Variants in FAM13A observed in about 807,000 individuals in gnomAD.
FAM13A encodes protein FAM13A.
FAM13A carries 76 observed loss-of-function variants against 129.6 expected under a neutral mutation model. The observed-to-expected ratio is 0.59, with a 90% CI of 0.49 to 0.71. The LOEUF (loss-of-function observed/expected upper bound fraction) is 0.71, where lower values mean the gene tolerates loss of function less well. FAM13A is among the 30% of genes least tolerant of loss of function. FAM13A has a pLI of 0.00. For missense variants in FAM13A, 1,108 were observed against 1,249.3 expected (o/e 0.89, Z 1.70); for synonymous variants, 443 against 449.9 (o/e 0.98, Z 0.20).
At chr4:88,838,508 C>A (rs1321905530) in intron 7 of FAM13A, among the ~76,000 whole-genome samples, 1 of 151,972 alleles carries the variant, frequency 6.6e-6, no homozygotes, top group Non-Finnish European at 1.5e-5. Context: ...GATGCCGAGG[C>A]GGGCGGATCA....
intron 9 of FAM13A, among the ~76,000 whole-genome samples, chr4:88,790,169 G>A (rs1228675857): frequency 3.9e-5 from 6 of 152,012 alleles, no homozygotes; most frequent in Non-Finnish European, 5.9e-5. Context: ...TCTAACATGC[G>A]CCTGACGTGT....
chr4:88,792,858 G>A (rs1242728129), intron 8 of FAM13A, among the ~76,000 whole-genome samples: 1 of 151,968 alleles, frequency 6.6e-6, no homozygotes, highest in Non-Finnish European at 1.5e-5. Context: ...ATGTTTTGAT[G>A]TTCATTTTCC....
chr4:88,985,032 A>G (rs1219085966), intron 4 of FAM13A, among the ~76,000 whole-genome samples: 5 of 152,218 alleles, frequency 3.3e-5, no homozygotes, highest in Non-Finnish European at 5.9e-5. Context: ...ACTAGAAGTA[A>G]CACAAATACC....
chr4:89,008,861 T>C (rs901513646), intron 3 of FAM13A: 17 of 152,212 alleles, frequency 1.1e-4, no homozygotes, highest in East Asian at 1.9e-4. Flanking sequence ...CCAAACATAA[T>C]TGATGCTCAG....
chr4:88,823,219 T>G, intron 7 of FAM13A: 1 of 1,403,072 alleles, frequency 7.1e-7, no homozygotes, highest in South Asian at 1.6e-5. Context: ...TATCGGCTGC[T>G]TCTCTACATT....
At chr4:88,810,406 A>G (rs1360693270) in intron 7 of FAM13A, among the ~76,000 whole-genome samples, 1 of 152,154 alleles carries the variant, frequency 6.6e-6, no homozygotes, top group African/African-American at 2.4e-5. Flanking sequence ...AAATAAAGTC[A>G]TTAAGATGGG....
At chr4:89,046,370 T>TAGG (rs1213484668) in intron 1 of FAM13A, among the ~76,000 whole-genome samples, 9 of 152,162 alleles carry the variant, frequency 5.9e-5, no homozygotes, top group African/African-American at 2.2e-4. Flanking sequence ...GTTCAGACGG[T>TAGG]AGGAGAAAGT....
At chr4:88,805,664 G>C (rs1384222385) in intron 7 of FAM13A, among the ~76,000 whole-genome samples, 1 of 129,468 alleles carries the variant, frequency 7.7e-6, no homozygotes, top group Admixed American at 7.8e-5. Context: ...TTAATACATT[G>C]AAAGTTAATT....
At chr4:88,882,937 A>G (rs1425109373) in intron 6 of FAM13A, among the ~76,000 whole-genome samples, 1 of 152,194 alleles carries the variant, frequency 6.6e-6, no homozygotes, top group African/African-American at 2.4e-5. Flanking sequence ...TATAATGATT[A>G]AAGGACTTGT....
At chr4:88,989,036 C>A (rs928033454) in intron 4 of FAM13A, among the ~76,000 whole-genome samples, 2 of 151,602 alleles carry the variant, frequency 1.3e-5, no homozygotes, top group African/African-American at 4.9e-5. Flanking sequence ...GGTGAAACCC[C>A]GTCTCTACTA....
chr4:88,818,360 C>T (rs915150754), intron 7 of FAM13A, among the ~76,000 whole-genome samples: 5 of 152,044 alleles, frequency 3.3e-5, no homozygotes, highest in Non-Finnish European at 4.4e-5. Flanking sequence ...TGGGTGGTAT[C>T]ATCTCTTACA....
intron 4 of FAM13A, among the ~76,000 whole-genome samples, chr4:88,985,759 G>A (rs1762147737): frequency 1.3e-5 from 2 of 151,418 alleles, no homozygotes; most frequent in South Asian, 4.2e-4. Flanking sequence ...AACAGTAAAA[G>A]ATGGGAAACA....
intron 5 of FAM13A, among the ~76,000 whole-genome samples, chr4:88,926,228 C>T (rs1752133242): frequency 6.6e-6 from 1 of 152,056 alleles, no homozygotes; most frequent in Admixed American, 6.6e-5. Flanking sequence ...AAGGCTTACC[C>T]CCCATCCCTG....
chr4:88,737,153 C>T (rs769037138), intron 21 of FAM13A, among the ~76,000 whole-genome samples: 1 of 151,818 alleles, frequency 6.6e-6, no homozygotes, highest in African/African-American at 2.4e-5. Flanking sequence ...CAAAACCAAA[C>T]AAAAAGCATT....
intron 6 of FAM13A, among the ~76,000 whole-genome samples, chr4:88,866,695 G>T (rs1360798103): frequency 6.6e-6 from 1 of 152,052 alleles, no homozygotes. Flanking sequence ...TATCATGTAG[G>T]TAAATATTTA....
intron 10 of FAM13A, among the ~76,000 whole-genome samples, chr4:88,783,700 G>A (rs1233763509): frequency 6.6e-6 from 1 of 152,138 alleles, no homozygotes; most frequent in Non-Finnish European, 1.5e-5. Flanking sequence ...CATATTTGGA[G>A]ACAGGGCCTT....
At chr4:88,783,140 C>T (rs975024411) in intron 10 of FAM13A, among the ~76,000 whole-genome samples, 2 of 151,992 alleles carry the variant, frequency 1.3e-5, no homozygotes, top group African/African-American at 2.4e-5. Flanking sequence ...AATCCAATTA[C>T]ACTCTTTTAG....
chr4:88,786,113 G>C (rs1723912099), intron 10 of FAM13A, among the ~76,000 whole-genome samples: 1 of 152,118 alleles, frequency 6.6e-6, no homozygotes, highest in Non-Finnish European at 1.5e-5. Context: ...TTCTTCAGGA[G>C]AGGTGAGGCT....
At chr4:88,755,939 A>G (rs1441798597) in intron 14 of FAM13A, among the ~76,000 whole-genome samples, 1 of 152,232 alleles carries the variant, frequency 6.6e-6, no homozygotes, top group African/African-American at 2.4e-5. Flanking sequence ...ACAGGCGCAT[A>G]CCACCATGCC....
Sources: allele counts gnomAD v4.1 joint callset (sites outside exome capture counted in the v4.1 genomes callset), GRCh38; gene constraint gnomAD v4.1.1; transcripts MANE v1.5; gene names NCBI Gene and HGNC (gene_info 2026-07-23, HGNC 2026-07-21).